Variants in RAMP1 observed in about 807,000 individuals in gnomAD.
RAMP1 encodes receptor activity-modifying protein 1.
Under a neutral mutation model 8.2 loss-of-function variants are expected in RAMP1, and 7 were observed. The observed-to-expected ratio is 0.85, with a 90% CI of 0.49 to 1.60. The LOEUF (loss-of-function observed/expected upper bound fraction) is 1.60, where lower values mean the gene tolerates loss of function less well. Ranked by LOEUF, RAMP1 falls within the 40% of genes most tolerant of loss-of-function variation. The pLI, the probability that RAMP1 is intolerant of heterozygous loss-of-function variation, is 0.00. For synonymous variants in RAMP1, 92 were observed against 84.7 expected (o/e 1.09, Z -0.47); for missense variants, 192 against 202.4 (o/e 0.95, Z 0.31).
intron 2 of RAMP1, among the ~76,000 whole-genome samples, chr2:237,897,735 G>A (rs576650665): frequency 3.5e-4 from 52 of 149,898 alleles, no homozygotes; most frequent in African/African-American, 1.2e-3. Context: ...ACATGCTCTC[G>A]TGGATGCTGT....
Position 237,878,897 on chromosome 2 carries a change from C to T in RAMP1, c.191+1535C>T, listed in dbSNP as rs1363520812. On this transcript the variant is annotated intron_variant, in intron 2 of 2. Transcript: ENST00000254661. This position sits in a 1 kb window ranked among gnomAD's most constrained non-coding sequence, Gnocchi z 5.7. Reference sequence around the variant, plus strand: ...AGGTGGGAGGGCCAAAGTCACGGCTCCAGCCTCAAAGGCCCCTGATAAGAC... The same window carrying T: ...AGGTGGGAGGGCCAAAGTCACGGCTTCAGCCTCAAAGGCCCCTGATAAGAC... 1.3e-5 allele frequency among the ~76,000 whole-genome samples: 2 copies of T among 152,224 alleles called. No homozygotes were observed. Among genetic ancestry groups the T allele is most frequent in the Non-Finnish European group, 2.9e-5 (2 of 68,042 alleles).
Position 237,878,055 on chromosome 2 carries a change from A to G in RAMP1, c.191+693A>G. On this transcript the variant is annotated intron_variant, in intron 2 of 2. Coordinates refer to ENST00000254661, the MANE Select transcript of RAMP1 (RefSeq NM_005855.4). The surrounding 1 kb of genome is among the most constrained non-coding windows in gnomAD (Gnocchi z 5.7). ...TCGGCATGTCCGCAATCGACTTTCA[A>G]GTCCTTGTTTCTGCCTCCGTGGGAG... 1.0e-6 allele frequency: 1 copy of G among 985,410 alleles called. No homozygotes were observed. The highest frequency in any genetic ancestry group is 1.2e-6 in the Non-Finnish European group (1 of 829,896). 61.0% of individuals were successfully genotyped at this position (985,410 alleles called of 1,614,324 possible). A position where few individuals can be genotyped will look rare whatever the true frequency, so the allele number is the denominator to read the frequency against.
rs369551519 is a variant in RAMP1, at chr2:237,874,943, C to T, written c.53-2281C>T. On this transcript the variant is annotated intron_variant, in intron 1 of 2. Coordinates refer to ENST00000254661, the MANE Select transcript of RAMP1 (RefSeq NM_005855.4). ...GGGGGCCTCTTGGAGGACAGGGCAG[C>T]GGAGGAGGGCAGGTGGGACTGGGAC... Among the ~76,000 whole-genome samples the T allele has an allele frequency of 2.4e-4, 37 of 152,042 alleles. 1 individual carries two copies. In the East Asian group the frequency reaches 5.0e-3, roughly 21 times the overall value.
chr2:237,908,416 G>GTGGT (rs1299052543), intron 2 of RAMP1, among the ~76,000 whole-genome samples: 2 of 151,610 alleles, frequency 1.3e-5, no homozygotes, highest in African/African-American at 4.8e-5. Flanking sequence ...ACCTCTGGTG[G>GTGGT]TGGTGGTGGT....
chr2:237,873,371 C>T (rs1229735182), intron 1 of RAMP1, among the ~76,000 whole-genome samples: 2 of 152,352 alleles, frequency 1.3e-5, no homozygotes, highest in South Asian at 2.1e-4. Context: ...CCTTAGAAAG[C>T]CCAAACACCT....
intron 2 of RAMP1, among the ~76,000 whole-genome samples, chr2:237,910,277 G>A (rs2151025100): frequency 1.3e-5 from 2 of 148,866 alleles, no homozygotes; most frequent in Admixed American, 1.3e-4. Flanking sequence ...GAATAACACA[G>A]TCACACACCC....
chr2:237,905,258 T>C (rs1490919562), intron 2 of RAMP1, among the ~76,000 whole-genome samples: 1 of 152,246 alleles, frequency 6.6e-6, no homozygotes, highest in Non-Finnish European at 1.5e-5. Flanking sequence ...ATGTCTGTAC[T>C]CTGAGGGGAA....
chr2:237,905,353 A>G (rs949187675), intron 2 of RAMP1, among the ~76,000 whole-genome samples: 2 of 152,238 alleles, frequency 1.3e-5, no homozygotes, highest in Admixed American at 1.3e-4. Context: ...AACAGGATGA[A>G]GTGGGCAGCC....
In RAMP1 at chr2:237,877,272, C is replaced by G; in HGVS notation, c.101C>G (p.Ala34Gly). The G allele has an allele frequency of 6.2e-7, 1 of 1,614,050 alleles. No homozygotes were observed. The highest frequency in any genetic ancestry group is 8.5e-7 in the Non-Finnish European group (1 of 1,180,020). ...GCCTGCCAGGAGGCTAACTACGGTG[C>G]CCTCCTCCGGGAGCTCTGCCTCACC... Reference protein sequence around the residue: ...TTACQEANYGALLRELCLTQF... With the variant: ...TTACQEANYGGLLRELCLTQF... Residue 34 changes from alanine (A) to glycine (G), a missense_variant, in exon 2 of 3, where the codon GCC becomes GGC. Ala to Gly is a moderately conservative substitution (Grantham distance 60). Transcript: ENST00000254661. This position sits in a 1 kb window ranked among gnomAD's most constrained non-coding sequence, Gnocchi z 4.4.
intron 1 of RAMP1, among the ~76,000 whole-genome samples, chr2:237,861,345 T>C (rs774538880): frequency 2.6e-5 from 4 of 152,214 alleles, no homozygotes; most frequent in Non-Finnish European, 4.4e-5. Context: ...TAAATTAATG[T>C]CATTGGAGCC....
chr2:237,907,886 C>T (rs2062668748), intron 2 of RAMP1, among the ~76,000 whole-genome samples: 1 of 152,154 alleles, frequency 6.6e-6, no homozygotes, highest in African/African-American at 2.4e-5. Context: ...GAATACTGAA[C>T]ATTCATGTAT....
chr2:237,881,599 A>T (rs1037410172), intron 2 of RAMP1, among the ~76,000 whole-genome samples: 13 of 152,226 alleles, frequency 8.5e-5, no homozygotes, highest in African/African-American at 3.1e-4. Context: ...CGTCCATTAG[A>T]GTTGTTACTG....
At chr2:237,910,592 A>C (rs1349565518) in intron 2 of RAMP1, among the ~76,000 whole-genome samples, 1 of 147,534 alleles carries the variant, frequency 6.8e-6, no homozygotes, top group Admixed American at 6.7e-5. Flanking sequence ...GTCACACAGA[A>C]TAACACAGTC....
chr2:237,859,469 C>T (rs1442599418), upstream of RAMP1: 1 of 161,652 alleles, frequency 6.2e-6, no homozygotes, highest in Non-Finnish European at 1.3e-5. Flanking sequence ...CGCGCGGCCC[C>T]CCTGCAAAGT....
At chr2:237,859,616 C>T (rs1559931692), upstream of RAMP1, 7 of 1,209,794 alleles carry the variant, frequency 5.8e-6, no homozygotes, top group East Asian at 2.1e-4. Flanking sequence ...CGCGCCGCGG[C>T]GGGCTCAGTC....
At position 237,878,029 on chromosome 2, in the gene RAMP1, C is replaced by T; in HGVS notation, c.191+667C>T. On this transcript the variant is annotated intron_variant, in intron 2 of 2. Transcript: ENST00000254661. This position sits in a 1 kb window ranked among gnomAD's most constrained non-coding sequence, Gnocchi z 5.7. ...TCTGCCTCCAGAGCGGCGATCAGAA[C>T]TCGGCATGTCCGCAATCGACTTTCA... 1 of 985,486 alleles carries T rather than the reference C, an allele frequency of 1.0e-6. No homozygotes were observed. Among genetic ancestry groups the T allele is most frequent in the Non-Finnish European group, 1.2e-6 (1 of 829,938 alleles). The allele number at this position is 985,486 out of a possible 1,614,324, so 61.0% of individuals were successfully genotyped here.
At chr2:237,883,404 G>A (rs372832994) in intron 2 of RAMP1, among the ~76,000 whole-genome samples, 7 of 152,300 alleles carry the variant, frequency 4.6e-5, no homozygotes, top group East Asian at 3.9e-4. Context: ...AGACATGCTC[G>A]TGCCAGCTCC....
intron 1 of RAMP1, 25 bp downstream of exon 1, chr2:237,859,752 C>A: frequency 1.3e-6 from 2 of 1,499,646 alleles, no homozygotes; most frequent in Non-Finnish European, 1.8e-6. Context: ...GGGTCCCGGC[C>A]GAGCTCCCTT....
intron 2 of RAMP1, among the ~76,000 whole-genome samples, chr2:237,893,736 C>T (rs371696936): frequency 3.3e-5 from 5 of 152,096 alleles, no homozygotes; most frequent in East Asian, 2.0e-4. Flanking sequence ...GTCAGGAGTT[C>T]GAGACCAGTG....
Sources: gnomAD v4.1 joint callset for allele counts (sites outside exome capture counted in the v4.1 genomes callset) on GRCh38, gnomAD v4.1.1 for gene constraint, Gnocchi (gnomAD v3.1) non-coding constraint, MANE v1.5 for transcripts, NCBI Gene and HGNC (gene_info 2026-07-23, HGNC 2026-07-21) for gene names.